Variants in RSU1 observed in about 807,000 individuals in gnomAD.
RSU1 encodes Ras suppressor protein 1.
In RSU1, 26 loss-of-function variants were observed where a neutral mutation model predicts 31.1. The observed-to-expected ratio is 0.84, with a 90% CI of 0.61 to 1.16. The LOEUF (loss-of-function observed/expected upper bound fraction) is 1.16. Among genes scored for constraint, RSU1 ranks in the 50% most tolerant of loss-of-function variants. The pLI is 0.00. For synonymous variants in RSU1, 164 were observed against 136.3 expected, an observed-to-expected ratio of 1.20 and a Z score of -1.41; for missense variants, 320 against 339.1, an observed-to-expected ratio of 0.94 and a Z score of 0.44.
intron 8 of RSU1, among the ~76,000 whole-genome samples, chr10:16,613,296 C>T (rs1313962822): frequency 1.3e-5 from 2 of 152,228 alleles, no homozygotes; most frequent in Non-Finnish European, 2.9e-5. Context: ...CTCTGTGCTT[C>T]CTGCTCCTGG....
At chr10:16,607,459 T>A (rs143750713) in intron 8 of RSU1, among the ~76,000 whole-genome samples, 3 of 152,194 alleles carry the variant, frequency 2.0e-5, no homozygotes, top group Non-Finnish European at 4.4e-5. Context: ...GAATGGTGAA[T>A]TGGAATTCAG....
intron 8 of RSU1, among the ~76,000 whole-genome samples, chr10:16,628,294 G>T (rs770375848): frequency 6.6e-6 from 1 of 152,112 alleles, no homozygotes; most frequent in African/African-American, 2.4e-5. Flanking sequence ...GAATATCAGC[G>T]CATTATAAAA....
At chr10:16,720,344 A>G (rs1424415080) in intron 7 of RSU1, among the ~76,000 whole-genome samples, 2 of 152,246 alleles carry the variant, frequency 1.3e-5, no homozygotes, top group Non-Finnish European at 2.9e-5. Flanking sequence ...AATTCTACAA[A>G]TATACATATT....
At chr10:16,769,317 T>C (rs1481761406) in intron 3 of RSU1, among the ~76,000 whole-genome samples, 1 of 152,248 alleles carries the variant, frequency 6.6e-6, no homozygotes, top group Non-Finnish European at 1.5e-5. Flanking sequence ...ACTAGTTATA[T>C]GCAGCTGTTT....
In RSU1 at chr10:16,685,633, C is replaced by T. The variant is rs1441652608; in HGVS notation, c.731+9390G>A. ...GACGACCAGAGGTTACTCTCATCGC[C>T]ATCTTGGTTTTGTTGGATTTGGCCA... On this transcript the variant is annotated intron_variant, in intron 8 of 8. Coordinates refer to ENST00000345264, the MANE Select transcript of RSU1 (RefSeq NM_012425.4). Among the ~76,000 whole-genome samples, 8 of 149,650 alleles carry T rather than the reference C, an allele frequency of 5.3e-5. No individual in the cohort carries two copies. The South Asian group carries it at 1.7e-3, about 31-fold the overall frequency.
chr10:16,673,658 C>A (rs17138990), intron 8 of RSU1, among the ~76,000 whole-genome samples: 5,237 of 152,244 alleles, frequency 0.034, 300 homozygotes, highest in African/African-American at 0.12. Flanking sequence ...GGCTCCATCT[C>A]AAATGACGCA....
intron 7 of RSU1, among the ~76,000 whole-genome samples, chr10:16,749,761 A>G (rs1196670336): frequency 2.0e-5 from 3 of 152,226 alleles, no homozygotes; most frequent in African/African-American, 4.8e-5. Flanking sequence ...GTGTTATGCT[A>G]GCCTTGCTCA....
rs114421366 is a variant in RSU1 at position 16,774,843 on chromosome 10, C to T, written c.160+7191G>A. ...GGCTGGGCACAGGGGCTCACAGTGG[C>T]CTGTATTTCTGGTACTTTTGGAGGC... On this transcript the variant is annotated intron_variant, in intron 3 of 8. Transcript: ENST00000345264. Among the ~76,000 whole-genome samples, 260 of 152,194 alleles carry T rather than the reference C, an allele frequency of 1.7e-3. 2 individuals are homozygous for T. The highest frequency in any genetic ancestry group is 6.2e-3 in the African/African-American group (256 of 41,530).
chr10:16,684,028 C>A (rs576755259), intron 8 of RSU1, among the ~76,000 whole-genome samples: 2 of 152,250 alleles, frequency 1.3e-5, no homozygotes, highest in South Asian at 2.1e-4. Context: ...TACTGGCTGT[C>A]CTTAGAGACA....
chr10:16,594,807 T>TG (rs1446647195), intron 8 of RSU1, among the ~76,000 whole-genome samples: 1 of 146,436 alleles, frequency 6.8e-6, no homozygotes, highest in Non-Finnish European at 1.5e-5. Flanking sequence ...TTTTTTGAGA[T>TG]GGAGTCCTAT....
intron 5 of RSU1, 58 bp from the exon 6 acceptor site, chr10:16,753,058 C>G: frequency 7.4e-7 from 1 of 1,344,110 alleles, no homozygotes; most frequent in Admixed American, 1.7e-5. Context: ...CATTTGAGGT[C>G]TGATCAATAC....
intron 8 of RSU1, among the ~76,000 whole-genome samples, chr10:16,606,810 G>A (rs918557570): frequency 1.3e-5 from 2 of 152,150 alleles, no homozygotes; most frequent in African/African-American, 4.8e-5. Flanking sequence ...TTACGATAAG[G>A]ACAAACGGTA....
intron 7 of RSU1, among the ~76,000 whole-genome samples, chr10:16,740,666 C>A (rs1250030360): frequency 2.0e-5 from 3 of 152,162 alleles, no homozygotes; most frequent in Non-Finnish European, 4.4e-5. Context: ...TTCCCACATA[C>A]TAGCAACCAA....
intron 8 of RSU1, among the ~76,000 whole-genome samples, chr10:16,656,817 G>C (rs562015699): frequency 6.6e-5 from 10 of 152,278 alleles, no homozygotes; most frequent in African/African-American, 2.2e-4. Context: ...TAAGAAAATG[G>C]TTTTGAAATA....
rs115662294 is a variant in RSU1 at position 16,595,386 on chromosome 10, C to T, written c.732-1890G>A. Reference sequence around the variant, plus strand: ...AGTCTTCCAAGTGTTGCCTTGGAGGCGGTACAAGCAGGTTCCATCGGCGGT... The same window carrying T: ...AGTCTTCCAAGTGTTGCCTTGGAGGTGGTACAAGCAGGTTCCATCGGCGGT... On this transcript the variant is annotated intron_variant, in intron 8 of 8. Transcript: ENST00000345264. Among the ~76,000 whole-genome samples the T allele has an allele frequency of 5.2e-3, 794 of 152,262 alleles. 7 individuals carry two copies. The highest frequency in any genetic ancestry group is 0.018 in the African/African-American group (744 of 41,558).
intron 7 of RSU1, among the ~76,000 whole-genome samples, chr10:16,707,580 T>TC (rs1835932872): frequency 6.6e-6 from 1 of 151,848 alleles, no homozygotes; most frequent in African/African-American, 2.4e-5. Flanking sequence ...GTTTTTTTTT[T>TC]TTTTGCTGTT....
At chr10:16,715,068 G>T (rs930276473) in intron 7 of RSU1, among the ~76,000 whole-genome samples, 1 of 152,188 alleles carries the variant, frequency 6.6e-6, no homozygotes, top group South Asian at 2.1e-4. Context: ...AGGATGCCTC[G>T]CTCACCTGTC....
intron 7 of RSU1, among the ~76,000 whole-genome samples, chr10:16,709,063 T>C (rs1835964395): frequency 1.3e-5 from 2 of 152,028 alleles, no homozygotes; most frequent in South Asian, 4.2e-4. Context: ...GTTACATATG[T>C]ATACATGTGC....
At chr10:16,688,558 C>G (rs557206281) in intron 8 of RSU1, among the ~76,000 whole-genome samples, 59 of 152,092 alleles carry the variant, frequency 3.9e-4, no homozygotes, top group Non-Finnish European at 7.1e-4. Flanking sequence ...GCAGTGAGCC[C>G]AGATCACGCC....
Sources: gnomAD v4.1 joint callset for allele counts (sites outside exome capture counted in the v4.1 genomes callset) on GRCh38, gnomAD v4.1.1 for gene constraint, MANE v1.5 for transcripts, NCBI Gene and HGNC (gene_info 2026-07-23, HGNC 2026-07-21) for gene names.